ASTN2: variants seen among roughly 807,000 people sequenced by gnomAD.
The protein encoded by ASTN2 is astrotactin-2.
Under a neutral mutation model 139.8 loss-of-function variants are expected in ASTN2, and 54 were observed. The observed-to-expected ratio is 0.39, with a 90% confidence interval of 0.31 to 0.48. The LOEUF is 0.48. Among genes scored for constraint, ASTN2 ranks in the 20% least tolerant of loss-of-function variants. The probability of loss-of-function intolerance (pLI) is 0.95; values close to 1 mark genes in which losing one functional copy is unlikely to be tolerated. For missense variants in ASTN2, 1,565 were observed against 1,725.1 expected (o/e 0.91, Z 1.64); for synonymous variants, 756 against 719.5 (o/e 1.05, Z -0.81).
chr9:117,270,765 GT>G (rs1309434629), intron 2 of ASTN2, among the ~76,000 whole-genome samples: 1 of 152,214 alleles, frequency 6.6e-6, no homozygotes, highest in Non-Finnish European at 1.5e-5. Flanking sequence ...TAGTAAATGT[GT>G]GGATATTTTC....
At chr9:116,649,153 T>A (rs1020386659) in intron 17 of ASTN2, among the ~76,000 whole-genome samples, 2 of 152,250 alleles carry the variant, frequency 1.3e-5, no homozygotes, top group Non-Finnish European at 2.9e-5. Context: ...TCTCCTATGT[T>A]CATCACTTCC....
intron 4 of ASTN2, among the ~76,000 whole-genome samples, chr9:117,118,482 G>A (rs1250572893): frequency 1.3e-5 from 2 of 152,072 alleles, no homozygotes; most frequent in Admixed American, 6.5e-5. Flanking sequence ...AGCTATCATC[G>A]TCTGTCTATT....
intron 10 of ASTN2, among the ~76,000 whole-genome samples, chr9:116,879,462 G>A (rs1004127065): frequency 2.6e-5 from 4 of 152,158 alleles, no homozygotes; most frequent in African/African-American, 9.7e-5. Context: ...CTCAAACTCT[G>A]CTGCTCATTT....
At position 116,762,618 on chromosome 9, in the gene ASTN2, G is replaced by A. The variant is rs116469125; in HGVS notation, c.2397-29095C>T. Among the ~76,000 whole-genome samples the A allele has an allele frequency of 3.3e-3, 502 of 152,328 alleles. 3 individuals carry two copies. The highest frequency in any genetic ancestry group is 0.011 in the African/African-American group (452 of 41,564). ...TTATTGCCTGGAAAAAAATTAAAAGGTAATAATATTTTGTGTGACATGTGA... is the reference window on the plus strand; with the variant it reads ...TTATTGCCTGGAAAAAAATTAAAAGATAATAATATTTTGTGTGACATGTGA... On this transcript the variant is annotated intron_variant, in intron 13 of 22. Coordinates refer to ENST00000313400, the MANE Select transcript of ASTN2 (RefSeq NM_001365068.1).
At chr9:117,329,616 G>T (rs1395549058) in intron 1 of ASTN2, among the ~76,000 whole-genome samples, 1 of 152,128 alleles carries the variant, frequency 6.6e-6, no homozygotes, top group African/African-American at 2.4e-5. Flanking sequence ...TGACAAAGGG[G>T]GGTGGACATG....
intron 16 of ASTN2, among the ~76,000 whole-genome samples, chr9:116,658,570 C>T (rs1858364372): frequency 6.6e-6 from 1 of 151,958 alleles, no homozygotes; most frequent in Admixed American, 6.6e-5. Flanking sequence ...GGCACTGTTC[C>T]AGGTCTTACG....
intron 4 of ASTN2, among the ~76,000 whole-genome samples, chr9:117,109,611 G>T (rs902339488): frequency 6.6e-6 from 1 of 151,956 alleles, no homozygotes; most frequent in Non-Finnish European, 1.5e-5. Context: ...TAGTTTTCAG[G>T]TTTTTTTCTT....
chr9:116,608,737 T>C (rs1003908112), intron 19 of ASTN2, among the ~76,000 whole-genome samples: 12 of 152,144 alleles, frequency 7.9e-5, no homozygotes, highest in Non-Finnish European at 1.3e-4. Context: ...CGAAATTACC[T>C]GGCATGCAAA....
chr9:117,397,118 T>G (rs1830698741), intron 1 of ASTN2, among the ~76,000 whole-genome samples: 1 of 151,984 alleles, frequency 6.6e-6, no homozygotes, highest in Non-Finnish European at 1.5e-5. Context: ...ATTTTTTGTA[T>G]TTTTAATAGA....
At chr9:117,362,552 G>A (rs1027125923) in intron 1 of ASTN2, among the ~76,000 whole-genome samples, 1 of 152,074 alleles carries the variant, frequency 6.6e-6, no homozygotes, top group Non-Finnish European at 1.5e-5. Context: ...GGGTCCTATG[G>A]CCAGTCTCTA....
In ASTN2 at chr9:116,931,257, C is replaced by T. The variant is rs1333242739; in HGVS notation, c.1889+43951G>A. Among the ~76,000 whole-genome samples, 9 of 152,122 alleles carry T rather than the reference C, an allele frequency of 5.9e-5. No homozygotes were observed. In the South Asian group the frequency reaches 8.3e-4, roughly 14 times the overall value. On this transcript the variant is annotated intron_variant, in intron 10 of 22. Coordinates refer to ENST00000313400, the MANE Select transcript of ASTN2 (RefSeq NM_001365068.1). ...ACTGATCTTTATGCTTTCCTGCCATCGGCCTATCCCTTCGAGCCTATTCAT... is the reference window on the plus strand; with the variant it reads ...ACTGATCTTTATGCTTTCCTGCCATTGGCCTATCCCTTCGAGCCTATTCAT...
chr9:116,860,628 GCTCC>G (rs1352612137), intron 11 of ASTN2, among the ~76,000 whole-genome samples: 3 of 152,182 alleles, frequency 2.0e-5, no homozygotes, highest in Non-Finnish European at 4.4e-5. Flanking sequence ...ACTCATCTCA[GCTCC>G]CAGTGTGGGA....
At chr9:117,176,151 C>T (rs561591782) in intron 3 of ASTN2, among the ~76,000 whole-genome samples, 38 of 151,988 alleles carry the variant, frequency 2.5e-4, no homozygotes, top group Non-Finnish European at 4.7e-4. Context: ...ATTAAATAAT[C>T]ATTGAAGTTA....
chr9:117,103,401 T>A (rs1225233647), intron 4 of ASTN2, among the ~76,000 whole-genome samples: 1 of 152,128 alleles, frequency 6.6e-6, no homozygotes, highest in East Asian at 1.9e-4. Context: ...AGATATTTGG[T>A]GGTAAACTAG....
intron 1 of ASTN2, among the ~76,000 whole-genome samples, chr9:117,410,224 C>G (rs569953317): frequency 3.3e-5 from 5 of 152,254 alleles, no homozygotes; most frequent in Admixed American, 2.0e-4. Context: ...TCAAGCACAG[C>G]AAGAAGGATG....
At chr9:117,294,123 G>A (rs912576662) in intron 1 of ASTN2, among the ~76,000 whole-genome samples, 2 of 152,248 alleles carry the variant, frequency 1.3e-5, no homozygotes, top group Non-Finnish European at 2.9e-5. Context: ...GGTCTCAGAA[G>A]GTTAGTGACT....
At chr9:117,173,296 T>G (rs1367112535) in intron 3 of ASTN2, among the ~76,000 whole-genome samples, 1 of 152,130 alleles carries the variant, frequency 6.6e-6, no homozygotes. Flanking sequence ...AATGAAAGAT[T>G]TTTGCACATC....
intron 17 of ASTN2, among the ~76,000 whole-genome samples, chr9:116,632,190 G>GAGAGAGAGAA (rs1856802935): frequency 8.0e-5 from 1 of 12,456 alleles, no homozygotes; most frequent in Non-Finnish European, 1.6e-4. Flanking sequence ...GAGAGGGAGA[G>GAGAGAGAGAA]AGAGAGAAAG....
At chr9:117,356,863 G>C (rs1829553800) in intron 1 of ASTN2, among the ~76,000 whole-genome samples, 2 of 152,128 alleles carry the variant, frequency 1.3e-5, no homozygotes, top group Non-Finnish European at 2.9e-5. Flanking sequence ...AGGAGCTCAA[G>C]ACCAGCCTGG....
Sources: allele counts gnomAD v4.1 joint callset (sites outside exome capture counted in the v4.1 genomes callset), GRCh38; gene constraint gnomAD v4.1.1; transcripts MANE v1.5; gene names NCBI Gene and HGNC (gene_info 2026-07-23, HGNC 2026-07-21).